IQGAP2: variants seen among roughly 807,000 people sequenced by gnomAD.
IQGAP2 encodes the protein IQ motif containing GTPase activating protein 2, also known as ras GTPase-activating-like protein IQGAP2.
A neutral mutation model predicts 201.3 loss-of-function variants in IQGAP2; 173 were observed. The ratio of observed to expected loss-of-function variants is 0.86; its 90% CI spans 0.76 to 0.98. The LOEUF is 0.98. IQGAP2 is among the 50% of genes least tolerant of loss of function. The pLI, the probability that IQGAP2 is intolerant of heterozygous loss-of-function variation, is 0.00. For missense variants in IQGAP2, 1,687 were observed against 1,864.8 expected, an observed-to-expected ratio of 0.90 and a Z score of 1.76; for synonymous variants, 675 against 673.9, an observed-to-expected ratio of 1.00 and a Z score of -0.03.
chr5:76,599,203 C>A (rs1747253156), intron 10 of IQGAP2, among the ~76,000 whole-genome samples: 3 of 151,944 alleles, frequency 2.0e-5, no homozygotes, highest in Admixed American at 1.3e-4. Flanking sequence ...GCAACATAGG[C>A]CTCATCTTTA....
intron 1 of IQGAP2, among the ~76,000 whole-genome samples, chr5:76,433,012 C>T (rs1255365432): frequency 6.6e-6 from 1 of 152,094 alleles, no homozygotes; most frequent in South Asian, 2.1e-4. Context: ...AGAAATGGTA[C>T]TCAAAACAGT....
At chr5:76,643,943 A>T (rs1202933358) in intron 17 of IQGAP2, among the ~76,000 whole-genome samples, 1 of 151,756 alleles carries the variant, frequency 6.6e-6, no homozygotes, top group African/African-American at 2.4e-5. Flanking sequence ...CTTTGAGGAG[A>T]GGGAGAAGAG....
intron 14 of IQGAP2, among the ~76,000 whole-genome samples, chr5:76,629,018 C>G (rs927542480): frequency 6.6e-6 from 1 of 152,154 alleles, no homozygotes; most frequent in Non-Finnish European, 1.5e-5. Context: ...TTCTTATATT[C>G]ATTGTTCTTA....
At chr5:76,541,306 C>G (rs902897544) in intron 2 of IQGAP2, among the ~76,000 whole-genome samples, 1 of 152,270 alleles carries the variant, frequency 6.6e-6, no homozygotes, top group Admixed American at 6.5e-5. Context: ...GCCCATCTGA[C>G]TTTTTAACTT....
rs1396819093 is a variant in IQGAP2 at position 76,597,852 on chromosome 5, GGTT to G, written c.1071+254_1071+256del. On this transcript the variant is annotated intron_variant, in intron 10 of 35. Transcript: ENST00000274364. Reference sequence around the variant, plus strand: ...GTCTATACATATACCTGTGAAAATAGGTTGTTCTTATTTTCTGTGTGATATTTG... The same window carrying G: ...GTCTATACATATACCTGTGAAAATAGGTTCTTATTTTCTGTGTGATATTTG... Among the ~76,000 whole-genome samples the G allele has an allele frequency of 2.6e-5, 4 of 152,102 alleles. No individual in the cohort carries two copies. In the East Asian group the frequency reaches 5.8e-4, roughly 22 times the overall value.
chr5:76,429,605 T>C lies in IQGAP2; in HGVS notation c.46+26014T>C, dbSNP rs960207339. On this transcript the variant is annotated intron_variant, in intron 1 of 35. Transcript: ENST00000274364. ...ATTTATATATATATATATGTATATT[T>C]ATATATATACATATATAAATTTATA... is the stretch of plus-strand genomic sequence containing the variant. Among the ~76,000 whole-genome samples, 3 of 145,222 alleles carry C rather than the reference T, an allele frequency of 2.1e-5. No individual in the cohort carries two copies. The Admixed American group carries it at 2.1e-4, about 10-fold the overall frequency.
chr5:76,474,842 A>C (rs1310189349), intron 2 of IQGAP2, among the ~76,000 whole-genome samples: 1 of 152,110 alleles, frequency 6.6e-6, no homozygotes. Flanking sequence ...CCTCCCAAGT[A>C]GCTGGAATCA....
At chr5:76,479,651 G>A (rs893287303) in intron 2 of IQGAP2, among the ~76,000 whole-genome samples, 1 of 152,244 alleles carries the variant, frequency 6.6e-6, no homozygotes, top group East Asian at 1.9e-4. Flanking sequence ...TTATGAAATA[G>A]GGATTTTAAA....
chr5:76,609,567 C>T (rs1230741374), intron 12 of IQGAP2, among the ~76,000 whole-genome samples: 1 of 151,920 alleles, frequency 6.6e-6, no homozygotes, highest in East Asian at 1.9e-4. Flanking sequence ...AATATTTTAT[C>T]TTTACTTGAA....
chr5:76,511,153 T>C (rs1239449765), intron 2 of IQGAP2, among the ~76,000 whole-genome samples: 3 of 152,204 alleles, frequency 2.0e-5, no homozygotes, highest in African/African-American at 7.2e-5. Context: ...AAGGAAAACC[T>C]TGGTTGCGAT....
intron 2 of IQGAP2, chr5:76,510,825 C>T (rs1339486629): frequency 2.1e-5 from 9 of 430,674 alleles, no homozygotes; most frequent in Non-Finnish European, 4.1e-5. Flanking sequence ...CACCTGGCCT[C>T]CAGCAGGCTG....
chr5:76,563,746 T>A (rs899471507), intron 3 of IQGAP2, among the ~76,000 whole-genome samples: 7 of 152,214 alleles, frequency 4.6e-5, no homozygotes, highest in Non-Finnish European at 8.8e-5. Flanking sequence ...TATATCAATA[T>A]TTTTTATCTG....
intron 11 of IQGAP2, among the ~76,000 whole-genome samples, chr5:76,601,827 G>A (rs942224398): frequency 3.9e-5 from 6 of 152,202 alleles, no homozygotes; most frequent in African/African-American, 1.4e-4. Flanking sequence ...TCTATGTAGT[G>A]AATGGCCAAA....
chr5:76,422,191 C>A (rs911472698), intron 1 of IQGAP2, among the ~76,000 whole-genome samples: 1 of 152,138 alleles, frequency 6.6e-6, no homozygotes, highest in African/African-American at 2.4e-5. Context: ...TGGTGCTTAA[C>A]TGGAGCAAAA....
At chr5:76,494,262 C>CA (rs1756744366) in intron 2 of IQGAP2, among the ~76,000 whole-genome samples, 1 of 151,816 alleles carries the variant, frequency 6.6e-6, no homozygotes, top group African/African-American at 2.4e-5. Context: ...AAAATGGGCA[C>CA]AATAATTAGA....
At chr5:76,626,217 A>G (rs1750206821) in intron 13 of IQGAP2, among the ~76,000 whole-genome samples, 1 of 140,408 alleles carries the variant, frequency 7.1e-6, no homozygotes, top group Non-Finnish European at 1.5e-5. Flanking sequence ...TCTGCAGTAT[A>G]TATTGCCCTG....
At chr5:76,441,423 CT>C (rs1404369736) in intron 1 of IQGAP2, 1 of 853,562 alleles carries the variant, frequency 1.2e-6, no homozygotes, top group African/African-American at 1.8e-5. Context: ...AAAGTACCTA[CT>C]TTTGAAGAGG....
chr5:76,607,502 G>A (rs1580582962), intron 12 of IQGAP2: 1 of 152,110 alleles, frequency 6.6e-6, no homozygotes, highest in Non-Finnish European at 1.5e-5. Flanking sequence ...AATTTCTTTC[G>A]AGACGGCACA....
intron 11 of IQGAP2, among the ~76,000 whole-genome samples, chr5:76,604,423 A>G (rs1278566435): frequency 1.3e-5 from 2 of 152,062 alleles, no homozygotes; most frequent in Non-Finnish European, 2.9e-5. Context: ...GCTATTGTGA[A>G]CAGTGCCGCA....
Sources: allele counts gnomAD v4.1 joint callset (sites outside exome capture counted in the v4.1 genomes callset), GRCh38; gene constraint gnomAD v4.1.1; transcripts MANE v1.5; gene names NCBI Gene and HGNC (gene_info 2026-07-23, HGNC 2026-07-21).